The following ANKRD30B variants were observed in gnomAD, a reference collection of about 807,000 sequenced individuals.
ANKRD30B encodes ankyrin repeat domain-containing protein 30B.
ANKRD30B carries 144 observed loss-of-function variants against 202.2 expected under a neutral mutation model. That is an observed-to-expected ratio of 0.71 (90% CI 0.62 to 0.82). The LOEUF (loss-of-function observed/expected upper bound fraction) is 0.82, where lower values mean the gene tolerates loss of function less well. Ranked by LOEUF, ANKRD30B falls within the 40% of genes least tolerant of loss-of-function variation. The pLI is 0.00. For missense variants in ANKRD30B, 1,487 were observed against 1,669.1 expected (o/e 0.89, Z 1.90); for synonymous variants, 508 against 561.3 (o/e 0.91, Z 1.34).
the ANKRD30B span, among the ~76,000 whole-genome samples, chr18:14,906,419 T>C: frequency 2.4e-4 from 36 of 152,160 alleles, no homozygotes; most frequent in African/African-American, 8.4e-4. Flanking sequence ...GAATATAATA[T>C]GAGTGATTTT....
At position 14,808,689 on chromosome 18, in the gene ANKRD30B, A is replaced by C. The variant is rs1219787900; in HGVS notation, c.2331A>C (p.Lys777Asn). The change falls in exon 26 of 44, where the codon AAA becomes AAC. Residue 777 changes from lysine to asparagine, a missense_variant. Lys to Asn is a moderately conservative substitution (Grantham distance 94). Coordinates refer to ENST00000690538, the MANE Select transcript of ANKRD30B (RefSeq NM_001367607.2). ...CCATTTAGCCTACCTGTGGAAGGAA[A>C]GTTTCTCTTCCAAATAAAGCCTTAG... ...DGLLKPTCGR[K>N]VSLPNKALEL... 1.3e-6 allele frequency: 2 copies of C among 1,531,612 alleles called. No homozygotes were observed. The highest frequency in any genetic ancestry group is 1.8e-6 in the Non-Finnish European group (2 of 1,135,532). 94.9% of individuals were successfully genotyped at this position (1,531,612 alleles called of 1,614,324 possible).
chr18:14,772,182 A>T lies in ANKRD30B; in HGVS notation c.1283A>T (p.Asn428Ile), dbSNP rs1214875105. 1 of 1,506,906 alleles carries T rather than the reference A, an allele frequency of 6.6e-7. No homozygotes were observed. The highest frequency in any genetic ancestry group is 8.9e-7 in the Non-Finnish European group (1 of 1,120,624). The allele number at this position is 1,506,906 out of a possible 1,614,324, so 93.3% of individuals were successfully genotyped here. Residue 428 changes from asparagine to isoleucine, a missense_variant, in exon 9 of 44, where the codon AAT becomes ATT. Around this residue, in one of 6 missense-constraint regions of ANKRD30B, gnomAD observed 889 missense variants for 841.4 expected, o/e 1.06. Coordinates refer to ENST00000690538, the MANE Select transcript of ANKRD30B (RefSeq NM_001367607.2). ...CTTTTTGGCACACGGACTATTGAAA[A>T]TTCACAGTGTACAAAAGTTGAGGAA... ...FSLFGTRTIE[N>I]SQCTKVEEDF...
At chr18:14,884,223 T>C in the ANKRD30B span, among the ~76,000 whole-genome samples, 2 of 141,558 alleles carry the variant, frequency 1.4e-5, no homozygotes, top group Non-Finnish European at 3.1e-5. Flanking sequence ...GACTGTAATA[T>C]TGTAAGCAGT....
chr18:14,807,355 TC>T, intron 24 of ANKRD30B, among the ~76,000 whole-genome samples: 1 of 150,912 alleles, frequency 6.6e-6, no homozygotes, highest in African/African-American at 2.5e-5. Context: ...GTTTAACAAC[TC>T]GCATGGTATA....
intron 7 of ANKRD30B, among the ~76,000 whole-genome samples, chr18:14,766,889 C>T (rs1251192385): frequency 2.6e-5 from 4 of 152,084 alleles, no homozygotes; most frequent in Non-Finnish European, 4.4e-5. Flanking sequence ...GAATTTCAAG[C>T]AGTAAGATTA....
At chr18:14,798,061 T>G (rs1317711682) in intron 20 of ANKRD30B, among the ~76,000 whole-genome samples, 1 of 152,178 alleles carries the variant, frequency 6.6e-6, no homozygotes, top group Non-Finnish European at 1.5e-5. Flanking sequence ...CTTTGCCTCA[T>G]GTGGATATCT....
chr18:14,921,757 AG>A, the ANKRD30B span, among the ~76,000 whole-genome samples: 3 of 152,178 alleles, frequency 2.0e-5, no homozygotes, highest in African/African-American at 7.2e-5. Context: ...AGAGATGGGC[AG>A]GGTGTCTAGA....
rs887026479 is a variant in ANKRD30B at position 14,820,980 on chromosome 18, A to G, written c.2642-1503A>G. Among the ~76,000 whole-genome samples, 266 of 152,264 alleles carry G rather than the reference A, an allele frequency of 1.7e-3. 2 individuals are homozygous for G. Among genetic ancestry groups the G allele is most frequent in the Non-Finnish European group, 2.7e-3 (182 of 68,022 alleles). On this transcript the variant is annotated intron_variant, in intron 30 of 43. Coordinates refer to ENST00000690538, the MANE Select transcript of ANKRD30B (RefSeq NM_001367607.2). ...TACCACTGGTAGAATTCGGCTGTGA[A>G]TCCATCTGGTCCTGGACTCTTTTTG... is the stretch of plus-strand genomic sequence containing the variant.
chr18:14,878,019 C>G, the ANKRD30B span: 1 of 152,144 alleles, frequency 6.6e-6, no homozygotes, highest in African/African-American at 2.4e-5. Flanking sequence ...CTTAAACATG[C>G]CTATTTGCAG....
At chr18:14,873,985 G>A in the ANKRD30B span, among the ~76,000 whole-genome samples, 2 of 152,294 alleles carry the variant, frequency 1.3e-5, no homozygotes, top group East Asian at 3.9e-4. Flanking sequence ...TGGTAAGGTG[G>A]CTGAGAACAT....
rs892666549 is a variant in ANKRD30B at position 14,781,288 on chromosome 18, CTTTTT to C, written c.1483-1219_1483-1215del. The stretch of plus-strand genomic sequence containing the variant: ...CCGCTTCTACAATGTTCTGAGTATT[CTTTTT>C]TTTTTTTTTTTTTTTTTTTGAGACA... On this transcript the variant is annotated intron_variant, in intron 11 of 43. Coordinates refer to ENST00000690538, the MANE Select transcript of ANKRD30B (RefSeq NM_001367607.2). 5.8e-5 allele frequency among the ~76,000 whole-genome samples: 5 copies of C among 85,674 alleles called. No homozygotes were observed. The Admixed American group carries it at 6.5e-4, about 11-fold the overall frequency. The allele number at this position is 85,674 out of a possible 152,430, so 56.2% of individuals were successfully genotyped here.
rs181034770 is a variant in ANKRD30B, at chr18:14,792,260, C to A, written c.1825+769C>A. Among the ~76,000 whole-genome samples the A allele has an allele frequency of 2.2e-3, 332 of 152,176 alleles. 1 individual carries two copies. The highest frequency in any genetic ancestry group is 6.2e-4 in the Non-Finnish European group (42 of 68,014). On this transcript the variant is annotated intron_variant, in intron 16 of 43. Coordinates refer to ENST00000690538, the MANE Select transcript of ANKRD30B (RefSeq NM_001367607.2). ...TGCTCTGAGTAGCAAGATGAGAGAC[C>A]TTTGTGGGAAAAATGTGGAAGAAGG...
the ANKRD30B span, among the ~76,000 whole-genome samples, chr18:14,933,503 C>G: frequency 6.6e-6 from 1 of 151,686 alleles, no homozygotes; most frequent in Non-Finnish European, 1.5e-5. Flanking sequence ...GGAGCAAGGG[C>G]CAGGAAATCG....
At chr18:14,939,731 G>A in the ANKRD30B span, among the ~76,000 whole-genome samples, 168 of 152,308 alleles carry the variant, frequency 1.1e-3, no homozygotes, top group Admixed American at 2.3e-3. Context: ...AAAATTGTCA[G>A]TGATCAAAAT....
the ANKRD30B span, among the ~76,000 whole-genome samples, chr18:14,916,775 C>A: frequency 6.6e-6 from 1 of 152,308 alleles, no homozygotes; most frequent in South Asian, 2.1e-4. Flanking sequence ...AGCTAACATG[C>A]ATTTTATTGC....
chr18:14,860,860 A>T, the ANKRD30B span, among the ~76,000 whole-genome samples: 1 of 151,886 alleles, frequency 6.6e-6, no homozygotes. Flanking sequence ...GTGCACCACC[A>T]CACTTGGCAA....
At chr18:14,915,827 C>T in the ANKRD30B span, among the ~76,000 whole-genome samples, 1 of 152,118 alleles carries the variant, frequency 6.6e-6, no homozygotes, top group Non-Finnish European at 1.5e-5. Context: ...GGTTCTACAT[C>T]CACAAGTCAA....
chr18:14,752,904 TG>T lies in ANKRD30B; in HGVS notation c.403del (p.Val135Ter). On this transcript the variant is annotated frameshift_variant, in exon 3 of 44. Coordinates refer to ENST00000690538, the MANE Select transcript of ANKRD30B (RefSeq NM_001367607.2). LOFTEE classifies it high-confidence loss of function. The stretch of plus-strand genomic sequence containing the variant: ...TAGATGCTGGTGCTGATCTAAATTA[TG>T]TAGATGTGTATGGCAACACGGCTCT... ...LIDAGADLNY[V>X]DVYGNTALHY... The T allele has an allele frequency of 6.2e-7, 1 of 1,606,442 alleles. No individual in the cohort carries two copies. Among genetic ancestry groups the T allele is most frequent in the Non-Finnish European group, 8.5e-7 (1 of 1,175,840 alleles).
At chr18:14,831,184 A>AAAAAAAAAAAAAAAAAAAAAAAAAAAC (rs1568057439) in intron 33 of ANKRD30B, among the ~76,000 whole-genome samples, 199 bp from the exon 34 acceptor site, 4 of 149,996 alleles carry the variant, frequency 2.7e-5, no homozygotes, top group African/African-American at 9.8e-5. Context: ...CGTCTCGGAA[A>AAAAAAAAAAAAAAAAAAAAAAAAAAAC]AAAAAAAAAA....
Sources: gnomAD v4.1 joint callset for allele counts (sites outside exome capture counted in the v4.1 genomes callset) on GRCh38, gnomAD v4.1.1 for gene constraint, gnomAD v4.1.1 regional missense constraint, MANE v1.5 for transcripts, NCBI Gene and HGNC (gene_info 2026-07-23, HGNC 2026-07-21) for gene names.